RAP1GAP2: variants seen among roughly 807,000 people sequenced by gnomAD.
RAP1GAP2 encodes RAP1 GTPase activating protein 2, also known as rap1 GTPase-activating protein 2.
In RAP1GAP2, 27 loss-of-function variants were observed where a neutral mutation model predicts 95.0. That is an observed-to-expected ratio of 0.28 (90% CI 0.21 to 0.39). The LOEUF (loss-of-function observed/expected upper bound fraction) is 0.39, where lower values mean the gene tolerates loss of function less well. Ranked by LOEUF, RAP1GAP2 falls within the 10% of genes least tolerant of loss-of-function variation. The pLI, the probability that RAP1GAP2 is intolerant of heterozygous loss-of-function variation, is 1.00. For synonymous variants in RAP1GAP2, 373 were observed against 380.9 expected (o/e 0.98, Z 0.24); for missense variants, 771 against 970.0 (o/e 0.79, Z 2.72).
intron 2 of RAP1GAP2, among the ~76,000 whole-genome samples, chr17:2,804,224 C>G (rs539119369): frequency 6.6e-6 from 1 of 152,334 alleles, no homozygotes; most frequent in East Asian, 1.9e-4. Flanking sequence ...GTCCTTGGTG[C>G]CTCCCCAGGT....
chr17:2,985,826 TATA>T (rs2151550087), intron 11 of RAP1GAP2, among the ~76,000 whole-genome samples: 1 of 152,312 alleles, frequency 6.6e-6, no homozygotes, highest in East Asian at 1.9e-4. Context: ...AAGGGCTCTT[TATA>T]ACTTTGTTGA....
chr17:2,919,849 C>G (rs2042693126), intron 3 of RAP1GAP2, among the ~76,000 whole-genome samples: 1 of 151,680 alleles, frequency 6.6e-6, no homozygotes, highest in South Asian at 2.1e-4. Flanking sequence ...ATTACAGGCA[C>G]CGCCCCATAC....
At position 2,962,696 on chromosome 17, in the gene RAP1GAP2, G is replaced by A. The variant is rs1390866850; in HGVS notation, c.228G>A (p.Pro76=). The A allele has an allele frequency of 5.0e-6, 8 of 1,594,914 alleles. No homozygotes were observed. The highest frequency in any genetic ancestry group is 3.8e-4 in the Middle Eastern group (2 of 5,242). The part of the protein sequence containing the change: ...MQGIKLEEQK[P]GPQKNKDDYI... ...GGATCAAGCTTGAAGAGCAGAAGCC[G>A]GGACCCCAGAAGAACAAGGTGGGCT... The change falls in exon 5 of 25, where the codon CCG becomes CCA. Residue 76 remains proline (P), a synonymous_variant. Transcript: ENST00000254695.
intron 3 of RAP1GAP2, among the ~76,000 whole-genome samples, chr17:2,949,869 G>A (rs2043849284): frequency 6.6e-6 from 1 of 152,180 alleles, no homozygotes; most frequent in African/African-American, 2.4e-5. Flanking sequence ...CTGAGAAGTG[G>A]GGCCGGCCCA....
chr17:3,013,632 C>CTTTTTTT (rs998163717), intron 17 of RAP1GAP2, among the ~76,000 whole-genome samples: 54 of 78,830 alleles, frequency 6.9e-4, no homozygotes, highest in South Asian at 2.1e-3. Flanking sequence ...CTTTTCTTTT[C>CTTTTTTT]TTTTTTTTTT....
At chr17:2,801,652 G>A (rs1243964392) in intron 2 of RAP1GAP2, among the ~76,000 whole-genome samples, 1 of 124,326 alleles carries the variant, frequency 8.0e-6, no homozygotes, top group Non-Finnish European at 1.7e-5. Context: ...TGTGTGTGAT[G>A]TCAGCTGCTC....
chr17:2,756,966 G>A lies in RAP1GAP2; in HGVS notation c.50+1199G>A, dbSNP rs546494227. On this transcript the variant is annotated intron_variant, in intron 1 of 25. Coordinates refer to the RAP1GAP2 transcript ENST00000637138. ...TATTTCCTGGATGGTTCCACCCAGC[G>A]TGGCCACACATCCAAGTTCACATTG... Among the ~76,000 whole-genome samples the A allele has an allele frequency of 2.0e-5, 3 of 152,258 alleles. No individual in the cohort carries two copies. In the South Asian group the frequency reaches 6.2e-4, roughly 32 times the overall value.
chr17:2,786,651 T>G (rs1048703516), intron 1 of RAP1GAP2, among the ~76,000 whole-genome samples: 1 of 151,966 alleles, frequency 6.6e-6, no homozygotes, highest in African/African-American at 2.4e-5. Context: ...TTTTTTTTTT[T>G]TTTAATGTTT....
At position 3,026,050 on chromosome 17, in the gene RAP1GAP2, C is replaced by G; in HGVS notation, c.1794C>G (p.His598Gln). The G allele has an allele frequency of 6.2e-7, 1 of 1,613,848 alleles. No homozygotes were observed. Among genetic ancestry groups the G allele is most frequent in the Non-Finnish European group, 8.5e-7 (1 of 1,179,748 alleles). Residue 598 changes from histidine to glutamine, a missense_variant, in exon 20 of 25, where the codon CAC becomes CAG. Physicochemically the swap from His to Gln is conservative, Grantham distance 24 (BLOSUM62 0). Transcript: ENST00000254695. Reference protein sequence around the residue: ...SSTPKTPDGGHSSQEIKSETS... With the variant: ...SSTPKTPDGGQSSQEIKSETS... ...CACCCAAGACCCCAGATGGTGGACA[C>G]TCCTCTCAGGAGATAAAGTCTGAGA...
At chr17:2,936,507 G>T (rs527264602) in intron 3 of RAP1GAP2, among the ~76,000 whole-genome samples, 1 of 151,408 alleles carries the variant, frequency 6.6e-6, no homozygotes, top group African/African-American at 2.4e-5. Context: ...TCCCTGCCTC[G>T]AACCTCTTTC....
chr17:2,927,833 G>C (rs191680257), intron 3 of RAP1GAP2, among the ~76,000 whole-genome samples: 1 of 152,206 alleles, frequency 6.6e-6, no homozygotes, highest in African/African-American at 2.4e-5. Context: ...GTGGGATTCC[G>C]TAGTTCTGGG....
intron 8 of RAP1GAP2, among the ~76,000 whole-genome samples, chr17:2,976,010 G>A (rs971745725): frequency 6.6e-6 from 1 of 152,172 alleles, no homozygotes; most frequent in South Asian, 2.1e-4. Flanking sequence ...CTGATGTTCC[G>A]TGAACACGCT....
chr17:2,761,954 A>G (rs931490475), intron 1 of RAP1GAP2, among the ~76,000 whole-genome samples: 3 of 111,928 alleles, frequency 2.7e-5, no homozygotes, highest in African/African-American at 9.7e-5. Flanking sequence ...GCATCTTTTC[A>G]TGTAGTTATT....
intron 3 of RAP1GAP2, among the ~76,000 whole-genome samples, chr17:2,937,848 G>A (rs954944634): frequency 1.6e-4 from 25 of 152,114 alleles, no homozygotes; most frequent in African/African-American, 5.8e-4. Context: ...TTAAGCCCCC[G>A]GGGATGGACC....
At chr17:2,910,563 G>A (rs1707211400) in intron 3 of RAP1GAP2, among the ~76,000 whole-genome samples, 1 of 152,198 alleles carries the variant, frequency 6.6e-6, no homozygotes, top group Admixed American at 6.5e-5. Context: ...CAGGGAGGGT[G>A]TGGCAGGGGC....
intron 2 of RAP1GAP2, among the ~76,000 whole-genome samples, chr17:2,888,252 CGTT>C (rs1201433810): frequency 2.0e-5 from 3 of 152,124 alleles, no homozygotes; most frequent in African/African-American, 7.2e-5. Context: ...TCACCTCAAA[CGTT>C]GATCATTTCT....
At chr17:2,938,565 A>C (rs1567799113) in intron 3 of RAP1GAP2, among the ~76,000 whole-genome samples, 1 of 152,086 alleles carries the variant, frequency 6.6e-6, no homozygotes, top group Non-Finnish European at 1.5e-5. Flanking sequence ...TGTCTCCCCC[A>C]GCCATTCGCT....
intron 8 of RAP1GAP2, among the ~76,000 whole-genome samples, chr17:2,966,865 A>C (rs2044623182): frequency 6.6e-6 from 1 of 152,190 alleles, no homozygotes; most frequent in African/African-American, 2.4e-5. Context: ...ATAAGATGAC[A>C]ATGGAATACA....
At position 2,764,959 on chromosome 17, in the gene RAP1GAP2, G is replaced by A. The variant is rs117383116; in HGVS notation, c.51-5370G>A. Among the ~76,000 whole-genome samples the A allele has an allele frequency of 7.4e-3, 1,121 of 152,184 alleles. 13 individuals carry two copies. The highest frequency in any genetic ancestry group is 0.017 in the Middle Eastern group (5 of 294). ...AGGGCTGAATTCTGAGGAACCCAAC[G>A]ATGGGGAAAGTCAGGGACACTCATG... On this transcript the variant is annotated intron_variant, in intron 1 of 25. Transcript: ENST00000637138.
Sources: allele counts gnomAD v4.1 joint callset (sites outside exome capture counted in the v4.1 genomes callset), GRCh38; gene constraint gnomAD v4.1.1; transcripts MANE v1.5; gene names NCBI Gene and HGNC (gene_info 2026-07-23, HGNC 2026-07-21).